PTPRN2: variants seen among roughly 807,000 people sequenced by gnomAD.
The protein encoded by PTPRN2 is receptor-type tyrosine-protein phosphatase N2.
PTPRN2 carries 74 observed loss-of-function variants against 118.8 expected under a neutral mutation model. That is an observed-to-expected ratio of 0.62 (90% CI 0.52 to 0.76). The LOEUF is 0.76. Ranked by LOEUF, PTPRN2 falls within the 30% of genes least tolerant of loss-of-function variation. PTPRN2 has a pLI of 0.00. For missense variants in PTPRN2, 1,481 were observed against 1,394.4 expected, an observed-to-expected ratio of 1.06 and a Z score of -0.99; for synonymous variants, 641 against 608.0, an observed-to-expected ratio of 1.05 and a Z score of -0.80.
At chr7:158,419,791 C>T (rs916199595) in intron 2 of PTPRN2, among the ~76,000 whole-genome samples, 19 of 152,186 alleles carry the variant, frequency 1.2e-4, no homozygotes, top group Admixed American at 5.2e-4. Flanking sequence ...TGATGTCTGA[C>T]CGGACTTGGA....
intron 12 of PTPRN2, among the ~76,000 whole-genome samples, chr7:157,710,433 C>T (rs186493557): frequency 1.3e-5 from 2 of 152,140 alleles, no homozygotes; most frequent in East Asian, 3.9e-4. Context: ...ACAGTGAGAC[C>T]CCATCTCTAC....
chr7:158,564,414 C>T (rs1025129321), intron 1 of PTPRN2, among the ~76,000 whole-genome samples: 4 of 152,264 alleles, frequency 2.6e-5, no homozygotes, highest in Non-Finnish European at 5.9e-5. Context: ...AGCAGCTGAG[C>T]TGACTCCCAC....
chr7:158,549,600 G>A (rs1826515839), intron 1 of PTPRN2, among the ~76,000 whole-genome samples: 1 of 152,284 alleles, frequency 6.6e-6, no homozygotes, highest in African/African-American at 2.4e-5. Flanking sequence ...GCGCTCGCTA[G>A]GGTGGAGGAA....
At chr7:158,471,554 G>A (rs534791607) in intron 2 of PTPRN2, among the ~76,000 whole-genome samples, 200 of 152,284 alleles carry the variant, frequency 1.3e-3, no homozygotes, top group African/African-American at 4.5e-3. Context: ...TGGGTGTGGT[G>A]GCAGGTGCCT....
chr7:157,776,826 TC>T (rs1803337772), intron 12 of PTPRN2, among the ~76,000 whole-genome samples: 2 of 21,902 alleles, frequency 9.1e-5, no homozygotes, highest in African/African-American at 2.9e-4. Context: ...CTCCTCCCTC[TC>T]CTCCCTCTCT....
At chr7:158,498,488 T>G (rs945128288) in intron 1 of PTPRN2, among the ~76,000 whole-genome samples, 2 of 151,716 alleles carry the variant, frequency 1.3e-5, no homozygotes, top group Non-Finnish European at 2.9e-5. Context: ...CTTCATTCGT[T>G]TGAAGACATT....
intron 4 of PTPRN2, among the ~76,000 whole-genome samples, chr7:158,193,439 A>C (rs1271312132): frequency 1.3e-5 from 2 of 152,194 alleles, no homozygotes; most frequent in Non-Finnish European, 2.9e-5. Flanking sequence ...ATTCACTGGA[A>C]AAGTCGCGGT....
chr7:158,268,584 G>A (rs191599549), intron 3 of PTPRN2, among the ~76,000 whole-genome samples: 1,780 of 134,962 alleles, frequency 0.013, 70 homozygotes, highest in East Asian at 0.034. Context: ...CACACAGGGC[G>A]GGTGTGAAAT....
chr7:158,113,518 G>A (rs1239109737), intron 9 of PTPRN2, among the ~76,000 whole-genome samples: 1 of 152,108 alleles, frequency 6.6e-6, no homozygotes, highest in Non-Finnish European at 1.5e-5. Context: ...CACCAGGGCT[G>A]GAGACCCCAG....
chr7:157,740,964 G>A (rs917213679), intron 12 of PTPRN2, among the ~76,000 whole-genome samples: 10 of 152,218 alleles, frequency 6.6e-5, no homozygotes, highest in Non-Finnish European at 2.9e-5. Context: ...TGTACCACAG[G>A]TTAAAACCCT....
In PTPRN2 at chr7:158,205,191, A is replaced by G. The variant is rs770393085; in HGVS notation, c.360T>C (p.Pro120=). ...CTTACCTGGCTGGGCTGGATGCTTC[A>G]GGACGCCTCAGGTAGGTTTTCGGGA... ...ADLPKTYLRR[P]EASSPARPSK... Residue 120 remains proline, a synonymous_variant, in exon 4 of 23, where the codon CCT becomes CCC. Coordinates refer to ENST00000389418, the MANE Select transcript of PTPRN2 (RefSeq NM_002847.5). 6.2e-7 allele frequency: 1 copy of G among 1,614,086 alleles called. No homozygotes were observed. The highest frequency in any genetic ancestry group is 1.1e-5 in the South Asian group (1 of 91,082).
At chr7:157,672,560 T>C (rs1484763794) in intron 13 of PTPRN2, among the ~76,000 whole-genome samples, 1 of 152,192 alleles carries the variant, frequency 6.6e-6, no homozygotes, top group African/African-American at 2.4e-5. Flanking sequence ...GGAAAGGCCA[T>C]TCCAGGAAGA....
At chr7:158,151,720 C>A (rs188898930) in intron 6 of PTPRN2, among the ~76,000 whole-genome samples, 2 of 152,144 alleles carry the variant, frequency 1.3e-5, no homozygotes, top group Non-Finnish European at 1.5e-5. Flanking sequence ...CTCCCTCCCT[C>A]CCTTGCTAGC....
rs538215245 is a variant in PTPRN2, at chr7:157,775,651, G to A, written c.1789-92714C>T. On this transcript the variant is annotated intron_variant, in intron 12 of 22. Coordinates refer to ENST00000389418, the MANE Select transcript of PTPRN2 (RefSeq NM_002847.5). ...GCAAGCCTGGGTGTGGGGCTGAGGC[G>A]GGCGCAGCCTCGGGGCAGTCCCCAC... 4.6e-5 allele frequency among the ~76,000 whole-genome samples: 7 copies of A among 152,294 alleles called. No individual in the cohort carries two copies. In the East Asian group the frequency reaches 7.7e-4, roughly 17 times the overall value.
At position 158,574,664 on chromosome 7, in the gene PTPRN2, G is replaced by T. The variant is rs1026476786; in HGVS notation, c.112+12894C>A. ...TTACTCTAGCCAGAACTGGAAGGTG[G>T]CATGGAAGGGGCCAATACTTCTTTC... is the stretch of plus-strand genomic sequence containing the variant. On this transcript the variant is annotated intron_variant, in intron 1 of 22. Coordinates refer to ENST00000389418, the MANE Select transcript of PTPRN2 (RefSeq NM_002847.5). This position sits in a 1 kb window ranked among gnomAD's most constrained non-coding sequence, Gnocchi z 4.6. 2.6e-5 allele frequency among the ~76,000 whole-genome samples: 4 copies of T among 152,222 alleles called. No individual in the cohort carries two copies. The highest frequency in any genetic ancestry group is 4.8e-5 in the African/African-American group (2 of 41,468).
chr7:158,407,981 A>G (rs1236229299), intron 2 of PTPRN2, among the ~76,000 whole-genome samples: 1 of 152,180 alleles, frequency 6.6e-6, no homozygotes, highest in African/African-American at 2.4e-5. Context: ...AAGATATCCA[A>G]TGACTCAAGT....
At chr7:158,514,733 A>G (rs903024197) in intron 1 of PTPRN2, among the ~76,000 whole-genome samples, 6 of 152,260 alleles carry the variant, frequency 3.9e-5, no homozygotes, top group Non-Finnish European at 8.8e-5. Flanking sequence ...TAAGCTAATG[A>G]GGTCATTTGG....
chr7:157,933,598 T>C (rs886230283), intron 11 of PTPRN2, among the ~76,000 whole-genome samples: 3 of 145,160 alleles, frequency 2.1e-5, no homozygotes, highest in Non-Finnish European at 4.5e-5. Context: ...GTCACTCTGA[T>C]TGACAGTTTT....
At chr7:158,048,132 T>TACACAC (rs111759966) in intron 11 of PTPRN2, among the ~76,000 whole-genome samples, 18 of 149,988 alleles carry the variant, frequency 1.2e-4, no homozygotes, top group African/African-American at 3.4e-4. Context: ...CACATATGTA[T>TACACAC]ACACACACAC....
Sources: gnomAD v4.1 joint callset for allele counts (sites outside exome capture counted in the v4.1 genomes callset) on GRCh38, gnomAD v4.1.1 for gene constraint, Gnocchi (gnomAD v3.1) non-coding constraint, MANE v1.5 for transcripts, NCBI Gene and HGNC (gene_info 2026-07-23, HGNC 2026-07-21) for gene names.